The following VIT variants were observed in gnomAD, a reference collection of about 807,000 sequenced individuals.
The protein encoded by VIT is vitrin.
In VIT, 99 loss-of-function variants were observed where a neutral mutation model predicts 78.0. That is an observed-to-expected ratio of 1.27 (90% CI 1.08 to 1.50). VIT has a LOEUF of 1.50. VIT is among the 40% of genes most tolerant of loss of function. The pLI, the probability that VIT is intolerant of heterozygous loss-of-function variation, is 0.00. For synonymous variants in VIT, 374 were observed against 334.3 expected (o/e 1.12, Z -1.29); for missense variants, 1,126 against 875.3 (o/e 1.29, Z -3.61).
chr2:36,773,551 G>C (rs1008176564), intron 7 of VIT, among the ~76,000 whole-genome samples: 1 of 152,004 alleles, frequency 6.6e-6, no homozygotes, highest in African/African-American at 2.4e-5. Context: ...CCAACATGGT[G>C]AAACCCCATC....
At chr2:36,775,348 G>C in intron 9 of VIT, among the ~76,000 whole-genome samples, 1 of 152,096 alleles carries the variant, frequency 6.6e-6, no homozygotes, top group Non-Finnish European at 1.5e-5. Context: ...CAGCCTCTTT[G>C]CCTCTCTGCA....
chr2:36,748,782 T>C (rs1445112033), intron 4 of VIT, among the ~76,000 whole-genome samples: 1 of 152,216 alleles, frequency 6.6e-6, no homozygotes, highest in African/African-American at 2.4e-5. Flanking sequence ...CGTGCAAGGT[T>C]GCTAGCTTCC....
intron 1 of VIT, among the ~76,000 whole-genome samples, chr2:36,705,009 A>T (rs1304871213): frequency 6.6e-6 from 1 of 152,198 alleles, no homozygotes; most frequent in Non-Finnish European, 1.5e-5. Context: ...AATTCACAGT[A>T]GACGGCCCTT....
chr2:36,760,997 GGT>G (rs1669083646), intron 6 of VIT, among the ~76,000 whole-genome samples: 1 of 152,002 alleles, frequency 6.6e-6, no homozygotes, highest in African/African-American at 2.4e-5. Flanking sequence ...ACAGTCCCCA[GGT>G]TCACATAAAG....
intron 15 of VIT, among the ~76,000 whole-genome samples, 179 bp downstream of exon 15, chr2:36,809,164 G>A (rs1178665842): frequency 6.6e-6 from 1 of 152,152 alleles, no homozygotes; most frequent in Non-Finnish European, 1.5e-5. Context: ...TCTGAGTAGG[G>A]AGAAGGAACA....
intron 11 of VIT, among the ~76,000 whole-genome samples, chr2:36,783,743 G>T (rs957226816): frequency 2.6e-5 from 4 of 152,154 alleles, no homozygotes; most frequent in African/African-American, 9.7e-5. Flanking sequence ...CTCGGAGTTG[G>T]AAGTGGAAAT....
chr2:36,779,357 G>C (rs931301986), intron 9 of VIT, among the ~76,000 whole-genome samples: 3 of 152,242 alleles, frequency 2.0e-5, no homozygotes, highest in African/African-American at 7.2e-5. Flanking sequence ...TACGTAGAAA[G>C]TGCTCAGTCA....
At chr2:36,718,135 A>T (rs1377308643) in intron 2 of VIT, among the ~76,000 whole-genome samples, 1 of 152,172 alleles carries the variant, frequency 6.6e-6, no homozygotes, top group Non-Finnish European at 1.5e-5. Context: ...CTAACTTAAC[A>T]TTATATCTGC....
At chr2:36,703,795 T>C (rs1298713333) in intron 1 of VIT, among the ~76,000 whole-genome samples, 1 of 152,122 alleles carries the variant, frequency 6.6e-6, no homozygotes, top group Non-Finnish European at 1.5e-5. Context: ...TCTTGTACAG[T>C]GGGAAAATTA....
At chr2:36,783,277 A>G (rs1355428626) in intron 10 of VIT, 63 bp from the exon 11 acceptor site, 2 of 1,571,338 alleles carry the variant, frequency 1.3e-6, no homozygotes, top group African/African-American at 1.4e-5. Context: ...GTCCCCTCCC[A>G]TGGGGTAAGG....
At chr2:36,708,522 G>T (rs928069646) in intron 1 of VIT, among the ~76,000 whole-genome samples, 2 of 152,056 alleles carry the variant, frequency 1.3e-5, no homozygotes, top group African/African-American at 4.8e-5. Context: ...TAATTTTTAA[G>T]CCCTCCATGT....
intron 2 of VIT, among the ~76,000 whole-genome samples, chr2:36,722,217 G>T (rs1249490112): frequency 3.9e-5 from 6 of 152,174 alleles, no homozygotes; most frequent in Admixed American, 6.5e-5. Context: ...ATTGTCATTG[G>T]AGTATTGTTT....
rs149630931 is a variant in VIT at position 36,773,062 on chromosome 2, C to T, written c.680-729C>T. Among the ~76,000 whole-genome samples, 60 of 152,310 alleles carry T rather than the reference C, an allele frequency of 3.9e-4. 1 individual carries two copies. In the East Asian group the frequency reaches 0.011, roughly 27 times the overall value. On this transcript the variant is annotated intron_variant, in intron 7 of 15. Coordinates refer to ENST00000379242, the MANE Select transcript of VIT (RefSeq NM_053276.4). ...ATTAACGATAACCCATTGTGTACCTCTAAAAATGATGAAAAGCTAATTCTA... is the reference window on the plus strand; with the variant it reads ...ATTAACGATAACCCATTGTGTACCTTTAAAAATGATGAAAAGCTAATTCTA...
At chr2:36,783,198 G>A (rs1417496987) in intron 10 of VIT, 142 bp from the exon 11 acceptor site, 2 of 632,028 alleles carry the variant, frequency 3.2e-6, no homozygotes, top group Non-Finnish European at 5.6e-6. Context: ...TCTCAGGATG[G>A]GGGTGATGTG....
chr2:36,720,051 C>A lies in VIT; in HGVS notation c.52+3629C>A, dbSNP rs573079909. ...AATATTGTTAAAATGCCTATACTAT[C>A]CAAAGCAAGCTACAGATTCTTCAGT... On this transcript the variant is annotated intron_variant, in intron 2 of 15. Transcript: ENST00000379242. Among the ~76,000 whole-genome samples, 4 of 152,290 alleles carry A rather than the reference C, an allele frequency of 2.6e-5. No individual in the cohort carries two copies. In the South Asian group the frequency reaches 8.3e-4, roughly 32 times the overall value.
intron 15 of VIT, among the ~76,000 whole-genome samples, chr2:36,809,562 C>T (rs1440064606): frequency 2.0e-5 from 3 of 152,228 alleles, no homozygotes; most frequent in Non-Finnish European, 4.4e-5. Context: ...GGATTACAGG[C>T]ATGTGCCACC....
intron 4 of VIT, among the ~76,000 whole-genome samples, chr2:36,747,595 G>A (rs1668214364): frequency 6.6e-6 from 1 of 151,784 alleles, no homozygotes; most frequent in Non-Finnish European, 1.5e-5. Flanking sequence ...TATAAGAATA[G>A]TGACCTCTGT....
At chr2:36,777,459 C>A (rs777244573) in intron 9 of VIT, among the ~76,000 whole-genome samples, 1 of 152,108 alleles carries the variant, frequency 6.6e-6, no homozygotes. Context: ...ATAATTCATA[C>A]ACCAGGGCAC....
chr2:36,792,575 C>T (rs1665579469), intron 12 of VIT, among the ~76,000 whole-genome samples: 1 of 152,188 alleles, frequency 6.6e-6, no homozygotes, highest in South Asian at 2.1e-4. Flanking sequence ...CCAATAGAAC[C>T]ACCTGGGAGC....
Sources: allele counts gnomAD v4.1 joint callset (sites outside exome capture counted in the v4.1 genomes callset), GRCh38; gene constraint gnomAD v4.1.1; transcripts MANE v1.5; gene names NCBI Gene and HGNC (gene_info 2026-07-23, HGNC 2026-07-21).